IMPG1: variants seen among roughly 807,000 people sequenced by gnomAD.
IMPG1 encodes interphotoreceptor matrix proteoglycan 1, also known as interphotoreceptor matrix proteoglycan of 150 kDa.
In IMPG1, 85 loss-of-function variants were observed where a neutral mutation model predicts 92.0. The observed-to-expected ratio is 0.92, with a 90% CI of 0.78 to 1.11. IMPG1 has a LOEUF of 1.11. IMPG1 is among the 50% of genes least tolerant of loss of function. IMPG1 has a pLI of 0.00. For synonymous variants in IMPG1, 367 were observed against 334.1 expected (o/e 1.10, Z -1.08); for missense variants, 1,022 against 956.0 (o/e 1.07, Z -0.91).
intron 1 of IMPG1, among the ~76,000 whole-genome samples, chr6:76,069,746 A>C (rs1226423128): frequency 7.7e-4 from 1 of 1,300 alleles, no homozygotes; most frequent in Non-Finnish European, 2.9e-3. Context: ...TTGGTTGATC[A>C]AAAAAAAAAA....
At chr6:76,008,590 C>A (rs970260644) in intron 8 of IMPG1, among the ~76,000 whole-genome samples, 1 of 152,190 alleles carries the variant, frequency 6.6e-6, no homozygotes, top group African/African-American at 2.4e-5. Flanking sequence ...TCCTTCTCTA[C>A]CAACCAGACA....
intron 3 of IMPG1, 117 bp from the exon 4 acceptor site, chr6:76,034,460 T>G (rs993817669): frequency 7.4e-6 from 9 of 1,217,408 alleles, no homozygotes; most frequent in African/African-American, 1.5e-5. Context: ...CTGTACCATA[T>G]TATTTTGCAA....
intron 2 of IMPG1, 64 bp downstream of exon 2, chr6:76,041,829 T>C (rs1035342902): frequency 1.2e-5 from 13 of 1,088,146 alleles, no homozygotes; most frequent in Non-Finnish European, 1.7e-5. Context: ...AGACAACCTA[T>C]GGATGAATGA....
chr6:75,991,863 A>G (rs1247983973), intron 12 of IMPG1, among the ~76,000 whole-genome samples: 4 of 152,210 alleles, frequency 2.6e-5, no homozygotes, highest in Non-Finnish European at 5.9e-5. Flanking sequence ...TATGGTACTG[A>G]CATAACGTAT....
chr6:76,005,032 G>A (rs1582098388), intron 10 of IMPG1, among the ~76,000 whole-genome samples: 1 of 152,124 alleles, frequency 6.6e-6, no homozygotes, highest in East Asian at 1.9e-4. Flanking sequence ...TTCGTTCTCC[G>A]CAGTTGACTT....
intron 2 of IMPG1, 89 bp downstream of exon 2, chr6:76,041,804 G>C: frequency 1.2e-6 from 1 of 807,788 alleles, no homozygotes; most frequent in Non-Finnish European, 2.1e-6. Flanking sequence ...GACAGAACTG[G>C]AAGTTTTAGG....
chr6:76,032,647 C>G (rs935916956), intron 4 of IMPG1, among the ~76,000 whole-genome samples: 2 of 152,112 alleles, frequency 1.3e-5, no homozygotes, highest in Admixed American at 6.6e-5. Context: ...GTACAAAGTT[C>G]AAAGCAGGAA....
At chr6:76,056,345 AAAG>A (rs941284704) in intron 1 of IMPG1, among the ~76,000 whole-genome samples, 14 of 152,276 alleles carry the variant, frequency 9.2e-5, no homozygotes, top group African/African-American at 3.4e-4. Flanking sequence ...TTTACTTGAA[AAAG>A]AAGTTGTTAC....
intron 12 of IMPG1, among the ~76,000 whole-genome samples, chr6:75,988,436 G>A (rs964527813): frequency 1.3e-5 from 2 of 152,144 alleles, no homozygotes; most frequent in Non-Finnish European, 2.9e-5. Context: ...AGAAGTGTCT[G>A]TTCATATCGT....
At chr6:76,017,663 G>A (rs1783314109) in intron 7 of IMPG1, among the ~76,000 whole-genome samples, 1 of 152,082 alleles carries the variant, frequency 6.6e-6, no homozygotes, top group Non-Finnish European at 1.5e-5. Context: ...TCACCATAAT[G>A]GTCATCTAGG....
chr6:76,038,532 C>G (rs1248885833), intron 2 of IMPG1, among the ~76,000 whole-genome samples: 1 of 152,154 alleles, frequency 6.6e-6, no homozygotes, highest in Non-Finnish European at 1.5e-5. Flanking sequence ...AGTCCCCCAT[C>G]CTTACTGGGG....
chr6:76,039,357 T>C (rs1425579640), intron 2 of IMPG1, among the ~76,000 whole-genome samples: 2 of 26,362 alleles, frequency 7.6e-5, no homozygotes, highest in African/African-American at 1.1e-4. Flanking sequence ...GATCTAGCTG[T>C]TTTTTTTTTT....
chr6:75,976,773 G>A (rs926970246), intron 12 of IMPG1, among the ~76,000 whole-genome samples: 9 of 151,968 alleles, frequency 5.9e-5, no homozygotes, highest in African/African-American at 1.7e-4. Context: ...CTAGCCGGGC[G>A]TGGTGGCAGG....
chr6:76,056,849 A>G (rs1166034403), intron 1 of IMPG1, among the ~76,000 whole-genome samples: 1 of 152,084 alleles, frequency 6.6e-6, no homozygotes, highest in East Asian at 1.9e-4. Flanking sequence ...TCCTTTGCCC[A>G]TTTAAAAATT....
chr6:76,050,533 G>T (rs1784023078), intron 1 of IMPG1, among the ~76,000 whole-genome samples: 1 of 152,180 alleles, frequency 6.6e-6, no homozygotes, highest in Non-Finnish European at 1.5e-5. Context: ...ACTCTAGGTT[G>T]AAGGCTGATG....
At chr6:75,977,416 C>T (rs540071953) in intron 12 of IMPG1, among the ~76,000 whole-genome samples, 58 of 151,746 alleles carry the variant, frequency 3.8e-4, no homozygotes, top group Non-Finnish European at 7.9e-4. Flanking sequence ...GGAGAAACCC[C>T]GTTTCTACTA....
At chr6:75,991,669 C>T (rs1459359976) in intron 12 of IMPG1, among the ~76,000 whole-genome samples, 1 of 152,210 alleles carries the variant, frequency 6.6e-6, no homozygotes, top group Non-Finnish European at 1.5e-5. Context: ...TTCCTGTCCT[C>T]TCTTCTTCTG....
Position 76,011,156 on chromosome 6 carries a change from TCTTA to T in IMPG1, c.866+6_866+9del, listed in dbSNP as rs745688218. The stretch of plus-strand genomic sequence containing the variant: ...TTAAAAATTGAGAAGAGTTTGATTC[TCTTA>T]CTTACCTAAATCCTAACACATGGAT... On this transcript the variant is annotated splice_donor_region_variant and intron_variant, in intron 8 of 16. Coordinates refer to ENST00000369950, the MANE Select transcript of IMPG1 (RefSeq NM_001563.4). 7.1e-7 allele frequency: 1 copy of T among 1,402,480 alleles called. No homozygotes were observed. Among genetic ancestry groups the T allele is most frequent in the Non-Finnish European group, 1.0e-6 (1 of 992,982 alleles). 86.9% of individuals were successfully genotyped at this position (1,402,480 alleles called of 1,614,324 possible).
At chr6:75,983,540 T>C (rs1400981530) in intron 12 of IMPG1, among the ~76,000 whole-genome samples, 1 of 152,138 alleles carries the variant, frequency 6.6e-6, no homozygotes, top group Admixed American at 6.6e-5. Context: ...AGAATGAAAT[T>C]AGACCCTCAT....
Sources: gnomAD v4.1 joint callset for allele counts (sites outside exome capture counted in the v4.1 genomes callset) on GRCh38, gnomAD v4.1.1 for gene constraint, MANE v1.5 for transcripts, NCBI Gene and HGNC (gene_info 2026-07-23, HGNC 2026-07-21) for gene names.